PHF21A: variants seen among roughly 807,000 people sequenced by gnomAD.
The protein encoded by PHF21A is BHC80a.
PHF21A carries 11 observed loss-of-function variants against 82.5 expected under a neutral mutation model. The ratio of observed to expected loss-of-function variants is 0.13; its 90% CI spans 0.08 to 0.22. PHF21A has a LOEUF of 0.22. Ranked by LOEUF, PHF21A falls within the 10% of genes least tolerant of loss-of-function variation. The pLI is 1.00. For synonymous variants in PHF21A, 297 were observed against 302.8 expected (o/e 0.98, Z 0.20); for missense variants, 579 against 837.8 (o/e 0.69, Z 3.81).
intron 14 of PHF21A, among the ~76,000 whole-genome samples, chr11:45,948,186 G>T (rs768385457): frequency 1.3e-5 from 2 of 152,212 alleles, no homozygotes; most frequent in Non-Finnish European, 2.9e-5. Context: ...TTGTTTATGA[G>T]CTCAAACCCT....
chr11:46,078,705 T>C (rs2096756577), intron 5 of PHF21A, among the ~76,000 whole-genome samples: 1 of 152,164 alleles, frequency 6.6e-6, no homozygotes, highest in African/African-American at 2.4e-5. Flanking sequence ...ACCCTGAACA[T>C]GGAGAATTCA....
intron 6 of PHF21A, among the ~76,000 whole-genome samples, chr11:46,025,862 C>T (rs151045696): frequency 5.0e-4 from 76 of 152,328 alleles, no homozygotes; most frequent in African/African-American, 1.8e-3. Flanking sequence ...TGGGCTGTGA[C>T]TGCTCATAGC....
At chr11:45,981,392 C>CAAAAA (rs59866051) in intron 6 of PHF21A, among the ~76,000 whole-genome samples, 20 of 60,288 alleles carry the variant, frequency 3.3e-4, no homozygotes, top group African/African-American at 1.2e-3. Flanking sequence ...AACCCTGTCT[C>CAAAAA]AAAAAAAAAA....
chr11:46,086,408 C>T (rs796904074), intron 3 of PHF21A, among the ~76,000 whole-genome samples: 8 of 152,222 alleles, frequency 5.3e-5, no homozygotes, highest in African/African-American at 1.9e-4. Flanking sequence ...CATGAGCCAC[C>T]GCACCCAGCC....
intron 15 of PHF21A, among the ~76,000 whole-genome samples, chr11:45,940,973 T>C (rs1370026106): frequency 6.6e-6 from 1 of 152,250 alleles, no homozygotes; most frequent in East Asian, 1.9e-4. Flanking sequence ...CAAAGGAAAC[T>C]TCCTATCTGG....
chr11:45,963,498 G>A (rs1205419491), intron 10 of PHF21A, among the ~76,000 whole-genome samples: 1 of 151,766 alleles, frequency 6.6e-6, no homozygotes, highest in Non-Finnish European at 1.5e-5. Flanking sequence ...TTAACTCCTG[G>A]GGGTAAAATT....
chr11:46,062,458 T>A (rs1439704334), intron 6 of PHF21A, among the ~76,000 whole-genome samples: 4 of 152,068 alleles, frequency 2.6e-5, no homozygotes, highest in Non-Finnish European at 4.4e-5. Flanking sequence ...CCTTTTTTTT[T>A]AAATCAAGAA....
chr11:46,064,708 G>A (rs190765137), intron 6 of PHF21A, among the ~76,000 whole-genome samples: 12 of 152,058 alleles, frequency 7.9e-5, no homozygotes, highest in African/African-American at 2.2e-4. Context: ...ATTTTAAAAA[G>A]GAGAAATCCA....
At position 46,060,569 on chromosome 11, in the gene PHF21A, T is replaced by G. The variant is rs1481719900; in HGVS notation, c.153+16185A>C. The stretch of plus-strand genomic sequence containing the variant: ...GTTCTGATGTGCATTTCTCTAAAGA[T>G]CAGTGATGTTGAGCTTTTTTGCATA... On this transcript the variant is annotated intron_variant, in intron 6 of 18. Coordinates refer to ENST00000676320, the MANE Select transcript of PHF21A (RefSeq NM_001352027.3). Among the ~76,000 whole-genome samples, 4 of 152,238 alleles carry G rather than the reference T, an allele frequency of 2.6e-5. 1 individual carries two copies. Among genetic ancestry groups the G allele is most frequent in the African/African-American group, 9.6e-5 (4 of 41,470 alleles).
chr11:45,955,662 G>A (rs2092579117), intron 10 of PHF21A, among the ~76,000 whole-genome samples: 1 of 152,164 alleles, frequency 6.6e-6, no homozygotes. Flanking sequence ...AATTATCTCA[G>A]TGTTATATAA....
In PHF21A at chr11:46,078,031, C is replaced by T. The variant is rs1458816058; in HGVS notation, c.87+1103G>A. ...GGTTCAAGTGATTCTCCTGCCTCAGCCTCCTGAGTAGCTGGCCTTACAAGG... is the reference window on the plus strand; with the variant it reads ...GGTTCAAGTGATTCTCCTGCCTCAGTCTCCTGAGTAGCTGGCCTTACAAGG... On this transcript the variant is annotated intron_variant, in intron 5 of 18. Coordinates refer to ENST00000676320, the MANE Select transcript of PHF21A (RefSeq NM_001352027.3). Among the ~76,000 whole-genome samples the T allele has an allele frequency of 4.6e-5, 7 of 152,282 alleles. No individual in the cohort carries two copies. The East Asian group carries it at 1.4e-3, about 29-fold the overall frequency.
intron 6 of PHF21A, among the ~76,000 whole-genome samples, chr11:46,064,454 T>A (rs2096571272): frequency 3.9e-5 from 6 of 152,152 alleles, no homozygotes; most frequent in Admixed American, 3.9e-4. Flanking sequence ...TGAGAGAGGT[T>A]AGCCAAACCC....
intron 6 of PHF21A, among the ~76,000 whole-genome samples, chr11:46,060,751 T>C (rs753558110): frequency 2.6e-5 from 4 of 152,272 alleles, no homozygotes; most frequent in Admixed American, 6.5e-5. Flanking sequence ...GCAAACATTT[T>C]CTCCCATTCT....
chr11:45,960,394 A>G (rs1227706845), intron 10 of PHF21A, among the ~76,000 whole-genome samples: 2 of 152,346 alleles, frequency 1.3e-5, no homozygotes, highest in Non-Finnish European at 2.9e-5. Context: ...GATATGTATT[A>G]CCATATTGAT....
Position 45,965,546 on chromosome 11 carries a change from G to A in PHF21A, c.765C>T (p.Leu255=), listed in dbSNP as rs146597431. The change falls in exon 10 of 19, where the codon CTC becomes CTT. Residue 255 remains leucine (L), a synonymous_variant. Coordinates refer to ENST00000676320, the MANE Select transcript of PHF21A (RefSeq NM_001352027.3). ...GCCTCTGGATAAGCTGAGGAGCTGC[G>A]AGCATGGGAGGTGGTGCTGGGGCAA... ...IPIAPAPPPM[L]AAPQLIQRPV... is the part of the protein sequence containing the mutation. 240 of 1,596,726 alleles carry A rather than the reference G, an allele frequency of 1.5e-4. No individual in the cohort carries two copies. Among genetic ancestry groups the A allele is most frequent in the Non-Finnish European group, 1.9e-4 (219 of 1,169,532 alleles).
intron 12 of PHF21A, 31 bp from the exon 13 acceptor site, chr11:45,949,512 A>G: frequency 6.4e-7 from 1 of 1,555,292 alleles, no homozygotes; most frequent in African/African-American, 1.4e-5. Flanking sequence ...TCATTAGCAG[A>G]GAGGCATGGA....
chr11:46,107,701 C>T (rs989633032), intron 1 of PHF21A, among the ~76,000 whole-genome samples: 4 of 152,074 alleles, frequency 2.6e-5, no homozygotes, highest in African/African-American at 9.7e-5. Flanking sequence ...TTAAAAATTA[C>T]AACAGTGAAT....
chr11:45,952,253 G>C (rs1209675124), intron 11 of PHF21A, among the ~76,000 whole-genome samples: 1 of 152,138 alleles, frequency 6.6e-6, no homozygotes, highest in East Asian at 1.9e-4. Flanking sequence ...GATGGTACTT[G>C]CTTGCCCACA....
intron 8 of PHF21A, chr11:45,970,826 A>C: frequency 2.8e-6 from 1 of 355,094 alleles, no homozygotes. Context: ...GGAGACATAA[A>C]TGAAACAGTG....
Sources: gnomAD v4.1 joint callset for allele counts (sites outside exome capture counted in the v4.1 genomes callset) on GRCh38, gnomAD v4.1.1 for gene constraint, MANE v1.5 for transcripts, NCBI Gene and HGNC (gene_info 2026-07-23, HGNC 2026-07-21) for gene names.